The following CARMIL1 variants were observed in gnomAD, a reference collection of about 807,000 sequenced individuals.
CARMIL1 encodes F-actin-uncapping protein LRRC16A.
CARMIL1 carries 90 observed loss-of-function variants against 177.1 expected under a neutral mutation model. The ratio of observed to expected loss-of-function variants is 0.51; its 90% CI spans 0.43 to 0.61. CARMIL1 has a LOEUF of 0.61. CARMIL1 is among the 20% of genes least tolerant of loss of function. CARMIL1 has a pLI of 0.00. For synonymous variants in CARMIL1, 577 were observed against 606.2 expected, an observed-to-expected ratio of 0.95 and a Z score of 0.71; for missense variants, 1,380 against 1,667.0, an observed-to-expected ratio of 0.83 and a Z score of 3.00.
intron 31 of CARMIL1, among the ~76,000 whole-genome samples, chr6:25,588,452 G>A (rs1291976050): frequency 6.6e-6 from 1 of 152,258 alleles, no homozygotes; most frequent in East Asian, 1.9e-4. Context: ...GCTGGAGGAT[G>A]ACATAAAGCA....
chr6:25,514,338 G>C (rs986736277), intron 20 of CARMIL1, among the ~76,000 whole-genome samples: 2 of 152,042 alleles, frequency 1.3e-5, no homozygotes, highest in African/African-American at 4.8e-5. Context: ...CTTGAAGTCA[G>C]GAGTTTGAGA....
At chr6:25,387,775 T>C (rs1282081574) in intron 2 of CARMIL1, among the ~76,000 whole-genome samples, 1 of 152,206 alleles carries the variant, frequency 6.6e-6, no homozygotes, top group African/African-American at 2.4e-5. Flanking sequence ...GTCATGACTT[T>C]ATAATTACAA....
chr6:25,473,921 A>T (rs1343520958), intron 11 of CARMIL1, among the ~76,000 whole-genome samples: 1 of 152,132 alleles, frequency 6.6e-6, no homozygotes, highest in African/African-American at 2.4e-5. Flanking sequence ...GGGTAGAGAG[A>T]GGAGTCAGTA....
chr6:25,604,762 G>A (rs1468876507), intron 33 of CARMIL1, 50 bp from the exon 34 acceptor site: 1 of 1,375,506 alleles, frequency 7.3e-7, no homozygotes, highest in Non-Finnish European at 1.0e-6. Context: ...TTTCACTTTT[G>A]CATTAAATAA....
At chr6:25,397,870 A>G (rs1278897908) in intron 2 of CARMIL1, among the ~76,000 whole-genome samples, 1 of 152,222 alleles carries the variant, frequency 6.6e-6, no homozygotes, top group Non-Finnish European at 1.5e-5. Context: ...GCTTTTTAAC[A>G]TATACATAGA....
intron 2 of CARMIL1, among the ~76,000 whole-genome samples, chr6:25,379,279 G>T (rs889664814): frequency 5.3e-5 from 8 of 152,144 alleles, no homozygotes; most frequent in Admixed American, 2.6e-4. Context: ...AAAGAAAGGG[G>T]GATGTCAGCC....
chr6:25,379,259 C>T (rs1292734267), intron 2 of CARMIL1, among the ~76,000 whole-genome samples: 2 of 152,056 alleles, frequency 1.3e-5, no homozygotes, highest in Non-Finnish European at 1.5e-5. Context: ...CCATAAGATA[C>T]ATATTGAGGA....
At chr6:25,376,688 C>T (rs895784355) in intron 2 of CARMIL1, among the ~76,000 whole-genome samples, 3 of 152,072 alleles carry the variant, frequency 2.0e-5, no homozygotes, top group East Asian at 3.8e-4. Context: ...TATCTCATTG[C>T]ACTTTTTAAT....
At chr6:25,372,922 T>A (rs76086942) in intron 2 of CARMIL1, among the ~76,000 whole-genome samples, 6,437 of 152,266 alleles carry the variant, frequency 0.042, 169 homozygotes, top group Middle Eastern at 0.065. Flanking sequence ...ATTCCTTCTA[T>A]CCCTAGTTTG....
At chr6:25,421,746 CA>C (rs1795875485) in intron 3 of CARMIL1, among the ~76,000 whole-genome samples, 1 of 150,436 alleles carries the variant, frequency 6.6e-6, no homozygotes, top group Non-Finnish European at 1.5e-5. Flanking sequence ...TGGAAATCAT[CA>C]TTCTCAGTAA....
chr6:25,457,704 G>A (rs548768563), intron 8 of CARMIL1, among the ~76,000 whole-genome samples: 3 of 152,318 alleles, frequency 2.0e-5, no homozygotes, highest in African/African-American at 7.2e-5. Context: ...GTGCATGCAT[G>A]GAGCATGAAG....
intron 33 of CARMIL1, among the ~76,000 whole-genome samples, chr6:25,604,318 A>G (rs993851218): frequency 1.3e-5 from 2 of 152,058 alleles, no homozygotes; most frequent in East Asian, 3.9e-4. Flanking sequence ...GACCTCAAAC[A>G]ATTCTCCCAT....
chr6:25,550,843 C>G, intron 26 of CARMIL1, 67 bp from the exon 27 acceptor site: 1 of 1,433,996 alleles, frequency 7.0e-7, no homozygotes, highest in Non-Finnish European at 9.6e-7. Context: ...AACCACCTTT[C>G]AGTTTTATGG....
At chr6:25,501,548 T>A (rs1399143609) in intron 17 of CARMIL1, among the ~76,000 whole-genome samples, 4 of 152,218 alleles carry the variant, frequency 2.6e-5, no homozygotes, top group African/African-American at 9.6e-5. Context: ...TTGCTCTTGC[T>A]GTTTTTCTAT....
intron 29 of CARMIL1, among the ~76,000 whole-genome samples, chr6:25,573,590 CAAAAA>C (rs5875051): frequency 8.6e-5 from 6 of 69,984 alleles, no homozygotes; most frequent in African/African-American, 1.8e-4. Flanking sequence ...TACCTCTAAG[CAAAAA>C]AAAAAAAAAA....
chr6:25,584,660 C>T (rs970607126), intron 31 of CARMIL1, among the ~76,000 whole-genome samples: 11 of 152,056 alleles, frequency 7.2e-5, no homozygotes, highest in African/African-American at 2.7e-4. Flanking sequence ...GGGGTATGAT[C>T]TAATGGTAAT....
intron 2 of CARMIL1, among the ~76,000 whole-genome samples, chr6:25,351,375 C>T (rs980075498): frequency 1.3e-5 from 2 of 152,200 alleles, no homozygotes; most frequent in Non-Finnish European, 2.9e-5. Context: ...CTTCCACACA[C>T]AGCACATATT....
chr6:25,412,670 C>T (rs1163781408), intron 2 of CARMIL1, among the ~76,000 whole-genome samples: 4 of 152,164 alleles, frequency 2.6e-5, no homozygotes, highest in East Asian at 1.9e-4. Context: ...GTTTCAAACC[C>T]AGGCAGTCTA....
chr6:25,505,805 G>C (rs2151034156), intron 17 of CARMIL1, among the ~76,000 whole-genome samples: 1 of 152,240 alleles, frequency 6.6e-6, no homozygotes, highest in Non-Finnish European at 1.5e-5. Context: ...TATACATTAA[G>C]AGAAGAATTG....
Sources: gnomAD v4.1 joint callset for allele counts (sites outside exome capture counted in the v4.1 genomes callset) on GRCh38, gnomAD v4.1.1 for gene constraint, MANE v1.5 for transcripts, NCBI Gene and HGNC (gene_info 2026-07-23, HGNC 2026-07-21) for gene names.